SLC22A3: variants seen among roughly 807,000 people sequenced by gnomAD.
SLC22A3 encodes solute carrier family 22 member 3.
SLC22A3 carries 51 observed loss-of-function variants against 59.1 expected under a neutral mutation model. The observed-to-expected ratio is 0.86, with a 90% CI of 0.69 to 1.09. The LOEUF (loss-of-function observed/expected upper bound fraction) is 1.09. Among genes scored for constraint, SLC22A3 ranks in the 50% least tolerant of loss-of-function variants. The probability of loss-of-function intolerance (pLI) is 0.00; values close to 1 mark genes in which losing one functional copy is unlikely to be tolerated. For missense variants in SLC22A3, 711 were observed against 726.3 expected, an observed-to-expected ratio of 0.98 and a Z score of 0.24; for synonymous variants, 325 against 292.0, an observed-to-expected ratio of 1.11 and a Z score of -1.15.
chr6:160,432,979 T>A (rs1788208973), intron 5 of SLC22A3, among the ~76,000 whole-genome samples: 1 of 152,170 alleles, frequency 6.6e-6, no homozygotes, highest in Admixed American at 6.5e-5. Flanking sequence ...GCACTAAGCC[T>A]CTCATTCAGG....
chr6:160,433,178 C>T (rs979613160), intron 5 of SLC22A3, among the ~76,000 whole-genome samples: 3 of 152,144 alleles, frequency 2.0e-5, no homozygotes, highest in Non-Finnish European at 2.9e-5. Flanking sequence ...TTGCAGAAAA[C>T]GTTCGCCAAC....
chr6:160,419,418 G>T (rs1360731669), intron 5 of SLC22A3, among the ~76,000 whole-genome samples: 1 of 152,180 alleles, frequency 6.6e-6, no homozygotes. Context: ...TGGTATTTCA[G>T]TTCAATTAGG....
chr6:160,384,353 A>G (rs1280978923), intron 1 of SLC22A3, among the ~76,000 whole-genome samples: 3 of 152,264 alleles, frequency 2.0e-5, no homozygotes, highest in Admixed American at 6.5e-5. Flanking sequence ...TTTTACACCA[A>G]TGGAATCATA....
intron 1 of SLC22A3, among the ~76,000 whole-genome samples, chr6:160,349,637 G>A (rs1200699243): frequency 2.0e-5 from 3 of 152,172 alleles, no homozygotes; most frequent in Non-Finnish European, 4.4e-5. Flanking sequence ...AGTTAGGGGA[G>A]CTTCCTTCAC....
chr6:160,379,948 T>A (rs1435238543), intron 1 of SLC22A3, among the ~76,000 whole-genome samples: 5 of 152,206 alleles, frequency 3.3e-5, no homozygotes, highest in African/African-American at 1.2e-4. Context: ...ATATAAGGTA[T>A]ACAAAATCAA....
At chr6:160,364,149 T>C (rs766620552) in intron 1 of SLC22A3, among the ~76,000 whole-genome samples, 5 of 152,134 alleles carry the variant, frequency 3.3e-5, no homozygotes, top group African/African-American at 7.2e-5. Context: ...ACAATACCTA[T>C]AAAATAACAC....
chr6:160,365,745 A>G (rs1785181633), intron 1 of SLC22A3, among the ~76,000 whole-genome samples: 1 of 152,230 alleles, frequency 6.6e-6, no homozygotes, highest in East Asian at 1.9e-4. Context: ...CTGCTAATAA[A>G]GACATACCTG....
intron 7 of SLC22A3, among the ~76,000 whole-genome samples, 181 bp downstream of exon 7, chr6:160,437,392 A>G (rs1174122900): frequency 6.6e-6 from 1 of 152,226 alleles, no homozygotes; most frequent in Non-Finnish European, 1.5e-5. Context: ...GGTTCTGTAG[A>G]TGATTCTCTT....
intron 5 of SLC22A3, among the ~76,000 whole-genome samples, chr6:160,413,560 T>C (rs1003941782): frequency 6.6e-6 from 1 of 152,202 alleles, no homozygotes; most frequent in African/African-American, 2.4e-5. Context: ...TGTAATATTT[T>C]CCTCTAAAGT....
chr6:160,406,201 A>C (rs759382655), intron 2 of SLC22A3, among the ~76,000 whole-genome samples: 1 of 152,140 alleles, frequency 6.6e-6, no homozygotes, highest in South Asian at 2.1e-4. Context: ...ACTAAAAAAA[A>C]TTTTAGATAA....
At chr6:160,367,294 T>G (rs1393794319) in intron 1 of SLC22A3, among the ~76,000 whole-genome samples, 1 of 152,128 alleles carries the variant, frequency 6.6e-6, no homozygotes, top group Non-Finnish European at 1.5e-5. Context: ...CCATCAGATC[T>G]CGTGATAACT....
intron 5 of SLC22A3, among the ~76,000 whole-genome samples, chr6:160,417,629 G>A (rs1329814415): frequency 5.9e-5 from 9 of 152,134 alleles, no homozygotes; most frequent in Non-Finnish European, 1.3e-4. Context: ...ATACTTCCTG[G>A]GTCTATAAAT....
At chr6:160,377,539 A>T (rs1425829359) in intron 1 of SLC22A3, among the ~76,000 whole-genome samples, 2 of 152,020 alleles carry the variant, frequency 1.3e-5, no homozygotes, top group African/African-American at 4.8e-5. Flanking sequence ...CTCCAGGTTG[A>T]CTTCAGTCAA....
chr6:160,426,892 T>C (rs1787979283), intron 5 of SLC22A3, among the ~76,000 whole-genome samples: 1 of 152,200 alleles, frequency 6.6e-6, no homozygotes. Flanking sequence ...GCTTGCTTTC[T>C]GTGTCTACCG....
chr6:160,426,315 T>C, intron 5 of SLC22A3: 1 of 985,346 alleles, frequency 1.0e-6, no homozygotes, highest in Non-Finnish European at 1.2e-6. Flanking sequence ...TTTTGGTTCT[T>C]GTGGTTCTTG....
chr6:160,418,502 T>C (rs148114336), intron 5 of SLC22A3, among the ~76,000 whole-genome samples: 1 of 152,332 alleles, frequency 6.6e-6, no homozygotes, highest in African/African-American at 2.4e-5. Flanking sequence ...CCAATTCTCC[T>C]AATAAACTCC....
At chr6:160,423,464 T>C (rs1042791279) in intron 5 of SLC22A3, among the ~76,000 whole-genome samples, 7 of 149,790 alleles carry the variant, frequency 4.7e-5, no homozygotes, top group Non-Finnish European at 1.0e-4. Flanking sequence ...TGAAAGTGTT[T>C]CTATTTCTCC....
intron 1 of SLC22A3, 114 bp downstream of exon 1, chr6:160,348,962 C>A: frequency 6.6e-7 from 1 of 1,524,782 alleles, no homozygotes; most frequent in Non-Finnish European, 8.8e-7. Flanking sequence ...AGACGGGGAC[C>A]GGTCGGCTAC....
intron 5 of SLC22A3, among the ~76,000 whole-genome samples, chr6:160,432,791 T>C (rs1440268695): frequency 6.6e-6 from 1 of 152,236 alleles, no homozygotes; most frequent in Non-Finnish European, 1.5e-5. Context: ...TATCATATTC[T>C]ACATACTGCA....
Sources: allele counts gnomAD v4.1 joint callset (sites outside exome capture counted in the v4.1 genomes callset), GRCh38; gene constraint gnomAD v4.1.1; transcripts MANE v1.5; gene names NCBI Gene and HGNC (gene_info 2026-07-23, HGNC 2026-07-21).